Variants in NOTCH1 observed in about 807,000 individuals in gnomAD.
NOTCH1 encodes notch receptor 1, also known as neurogenic locus notch homolog protein 1.
Under a neutral mutation model 254.8 loss-of-function variants are expected in NOTCH1, and 37 were observed. The observed-to-expected ratio is 0.15, with a 90% CI of 0.11 to 0.19. The LOEUF (loss-of-function observed/expected upper bound fraction) is 0.19, where lower values mean the gene tolerates loss of function less well. NOTCH1 is among the 10% of genes least tolerant of loss of function. NOTCH1 has a pLI of 1.00. For missense variants in NOTCH1, 2,972 were observed against 3,708.6 expected, an observed-to-expected ratio of 0.80 and a Z score of 5.16; for synonymous variants, 1,731 against 1,618.1, an observed-to-expected ratio of 1.07 and a Z score of -1.68.
intron 33 of NOTCH1, among the ~76,000 whole-genome samples, chr9:136,498,540 G>A (rs1048363016): frequency 6.6e-6 from 1 of 152,194 alleles, no homozygotes; most frequent in African/African-American, 2.4e-5. Flanking sequence ...GACAGCTGGG[G>A]ACAGAAGGTG....
rs374082009 is a variant in NOTCH1, at chr9:136,515,458, G to A, written c.1903+25C>T. Reference sequence around the variant, plus strand: ...GGCCCGCCCTGCCCACTGGCCCCCCGCCGGCCACCCGCCTGGCCGGCCACC... The same window carrying A: ...GGCCCGCCCTGCCCACTGGCCCCCCACCGGCCACCCGCCTGGCCGGCCACC... On this transcript the variant is annotated intron_variant, in intron 11 of 33. Coordinates refer to ENST00000651671, the MANE Select transcript of NOTCH1 (RefSeq NM_017617.5). The A allele has an allele frequency of 2.0e-4, 323 of 1,611,244 alleles. 1 individual carries two copies. In the African/African-American group the frequency reaches 2.8e-3, roughly 14 times the overall value.
intron 4 of NOTCH1, among the ~76,000 whole-genome samples, chr9:136,520,562 C>T (rs374484355): frequency 6.6e-6 from 1 of 151,984 alleles, no homozygotes; most frequent in Admixed American, 6.6e-5. Flanking sequence ...GGCGAAACCC[C>T]GTCTCTACAA....
chr9:136,497,197 T>C lies in NOTCH1; in HGVS notation c.6542A>G (p.Lys2181Arg), dbSNP rs746372139. 8.1e-6 allele frequency: 13 copies of C among 1,612,708 alleles called. No homozygotes were observed. The highest frequency in any genetic ancestry group is 9.3e-6 in the Non-Finnish European group (11 of 1,179,980). Residue 2181 changes from lysine to arginine, a missense_variant, in exon 34 of 34, where the codon AAG becomes AGG. Physicochemically the swap from Lys to Arg is conservative, Grantham distance 26. This residue lies in a region of NOTCH1 where 529 missense variants were observed against 529.2 expected (regional missense o/e 1.00). Coordinates refer to ENST00000651671, the MANE Select transcript of NOTCH1 (RefSeq NM_017617.5). ...GCAGCCCTTGCCGTCCTGGGACTTC[T>C]TCCTCCGTGCCTTGAGGTCCTTGGC... The part of the protein sequence containing the change: ...KEAKDLKARR[K>R]KSQDGKGCLL...
At position 136,540,381 on chromosome 9, in the gene NOTCH1, A is replaced by G. The variant is rs1031192151; in HGVS notation, c.140+3643T>C. On this transcript the variant is annotated intron_variant, in intron 2 of 33. Transcript: ENST00000651671. The surrounding 1 kb of genome is among the most constrained non-coding windows in gnomAD (Gnocchi z 4.4). ...GAGCTGGAGCCATCCTGGGAGATGG[A>G]CTTCCCCAGAGCCGGCAAGTCCCTC... 2.0e-5 allele frequency among the ~76,000 whole-genome samples: 3 copies of G among 151,924 alleles called. No individual in the cohort carries two copies. The highest frequency in any genetic ancestry group is 4.4e-5 in the Non-Finnish European group (3 of 67,946).
At position 136,540,099 on chromosome 9, in the gene NOTCH1, A is replaced by T. The variant is rs1430230698; in HGVS notation, c.140+3925T>A. On this transcript the variant is annotated intron_variant, in intron 2 of 33. Transcript: ENST00000651671. This position sits in a 1 kb window ranked among gnomAD's most constrained non-coding sequence, Gnocchi z 4.4. ...TTCTCTGGGTCTCTTCTTCTCACTT[A>T]TCGGTGCCTGATCCAGACAGCTTTA... Among the ~76,000 whole-genome samples the T allele has an allele frequency of 2.0e-5, 3 of 152,170 alleles. No individual in the cohort carries two copies. The highest frequency in any genetic ancestry group is 4.4e-5 in the Non-Finnish European group (3 of 68,016).
In NOTCH1 at chr9:136,506,737, C is replaced by T. The variant is rs1247035429; in HGVS notation, c.3880G>A (p.Glu1294Lys). 11 of 1,601,216 alleles carry T rather than the reference C, an allele frequency of 6.9e-6. No individual in the cohort carries two copies. Among genetic ancestry groups the T allele is most frequent in the Non-Finnish European group, 9.4e-6 (11 of 1,174,686 alleles). ...CCACCGGTGTGACCAGCACGGCACT[C>T]GCAGTGGAAGTCATTGACGCGCTGC... ...CVQRVNDFHC[E>K]CRAGHTGRRC... Residue 1294 changes from glutamate (E) to lysine (K), a missense_variant, in exon 23 of 34, where the codon GAG becomes AAG. Physicochemically the swap from Glu to Lys is moderately conservative, Grantham distance 56. Coordinates refer to ENST00000651671, the MANE Select transcript of NOTCH1 (RefSeq NM_017617.5). This position sits in a 1 kb window ranked among gnomAD's most constrained non-coding sequence, Gnocchi z 4.5.
rs2133364361 is a variant in NOTCH1 at position 136,515,705 on chromosome 9, T to C, written c.1681A>G (p.Thr561Ala). The change falls in exon 11 of 34, where the codon ACG becomes GCG. Residue 561 changes from threonine to alanine, a missense_variant. Transcript: ENST00000651671. ...TCATCGATGTCCACCTCGCAGTGCGTCCCCGTGTACCCTGGACCGTGGGAG... is the reference window on the plus strand; with the variant it reads ...TCATCGATGTCCACCTCGCAGTGCGCCCCCGTGTACCCTGGACCGTGGGAG... ...TCVCTEGYTG[T>A]HCEVDIDECD... 1 of 1,541,056 alleles carries C rather than the reference T, an allele frequency of 6.5e-7. No homozygotes were observed. Among genetic ancestry groups the C allele is most frequent in the Non-Finnish European group, 8.7e-7 (1 of 1,149,142 alleles).
intron 22 of NOTCH1, 32 bp from the exon 23 acceptor site, chr9:136,507,005 C>G (rs2133344486): frequency 6.3e-7 from 1 of 1,578,498 alleles, no homozygotes. Flanking sequence ...GTGGCCCAAG[C>G]CCGCCACACC....
At position 136,521,632 on chromosome 9, in the gene NOTCH1, A is replaced by G. The variant is rs565972259; in HGVS notation, c.742+1218T>C. Among the ~76,000 whole-genome samples, 187 of 152,206 alleles carry G rather than the reference A, an allele frequency of 1.2e-3. 1 individual carries two copies. Among genetic ancestry groups the G allele is most frequent in the African/African-American group, 3.7e-3 (154 of 41,516 alleles). On this transcript the variant is annotated intron_variant, in intron 4 of 33. Transcript: ENST00000651671. ...CTGCTAGGAAGGCATCTGAGCCCCC[A>G]CCAGCAGAAGGGCTCTGCGCCCCAC... is the stretch of plus-strand genomic sequence containing the variant.
intron 2 of NOTCH1, among the ~76,000 whole-genome samples, chr9:136,536,111 G>A (rs1458993635): frequency 2.0e-5 from 3 of 152,068 alleles, no homozygotes; most frequent in Non-Finnish European, 2.9e-5. Flanking sequence ...TACACTGAAA[G>A]CAACCCCAAA....
chr9:136,518,633 G>A lies in NOTCH1; in HGVS notation c.1057C>T (p.Arg353Cys), dbSNP rs1300110216. 6.2e-7 allele frequency: 1 copy of A among 1,612,702 alleles called. No homozygotes were observed. Among genetic ancestry groups the A allele is most frequent in the African/African-American group, 1.3e-5 (1 of 74,932 alleles). ...ACFHGATCHD[R>C]VASFYCECPH... ...CACTCGCAGTAGAAGGAGGCCACAC[G>A]GTCATGGCAGGTGGCGCCGTGGAAG... Residue 353 changes from arginine to cysteine, a missense_variant, in exon 6 of 34, where the codon CGT (arginine) becomes TGT (cysteine). Transcript: ENST00000651671.
At chr9:136,515,741 AG>A in intron 10 of NOTCH1, 25 bp from the exon 11 acceptor site, 1 of 1,526,258 alleles carries the variant, frequency 6.6e-7, no homozygotes, top group South Asian at 1.2e-5. Context: ...GGGCGGGCAC[AG>A]GAAGACTTAG....
chr9:136,515,240 C>G, intron 12 of NOTCH1, 50 bp downstream of exon 12: 1 of 1,570,084 alleles, frequency 6.4e-7, no homozygotes, highest in Non-Finnish European at 8.7e-7. Flanking sequence ...AGTGGCTGAC[C>G]TTGACCTCTG....
intron 2 of NOTCH1, chr9:136,543,189 G>C (rs148490255): frequency 8.2e-5 from 14 of 170,002 alleles, no homozygotes; most frequent in African/African-American, 3.4e-4. Context: ...AGGCGGGTCC[G>C]ATTTTGAAGA....
chr9:136,519,042 C>T (rs1458199197), intron 5 of NOTCH1, among the ~76,000 whole-genome samples: 1 of 152,234 alleles, frequency 6.6e-6, no homozygotes, highest in Non-Finnish European at 1.5e-5. Flanking sequence ...TCGGGGTGCA[C>T]CTTTGCCCGT....
rs1589059417 is a variant in NOTCH1, at chr9:136,506,409, G to A, written c.4014+118C>T. The A allele has an allele frequency of 1.1e-5, 8 of 737,074 alleles. No individual in the cohort carries two copies. The East Asian group carries it at 1.4e-4, about 13-fold the overall frequency. The allele number at this position is 737,074 out of a possible 1,614,324, so 45.7% of individuals were successfully genotyped here. A position where few individuals can be genotyped will look rare whatever the true frequency, so the allele number is the denominator to read the frequency against. ...AAAAAAAAAAAAAAGACATCAGGGT[G>A]AGGAGGAGGATGAAGGCCGGGAGGA... On this transcript the variant is annotated intron_variant, in intron 24 of 33. Coordinates refer to ENST00000651671, the MANE Select transcript of NOTCH1 (RefSeq NM_017617.5). This position sits in a 1 kb window ranked among gnomAD's most constrained non-coding sequence, Gnocchi z 4.5.
At chr9:136,505,957 G>T (rs1160882672) in intron 24 of NOTCH1, 76 bp from the exon 25 acceptor site, 5 of 1,307,732 alleles carry the variant, frequency 3.8e-6, no homozygotes, top group African/African-American at 3.0e-5. Context: ...CCCAGCCCTC[G>T]GCCAGCAGTG....
Position 136,497,311 on chromosome 9 carries a change from T to A in NOTCH1, c.6428A>T (p.Asn2143Ile), listed in dbSNP as rs1085307778. Residue 2143 changes from asparagine (N) to isoleucine (I), a missense_variant, in exon 34 of 34, where the codon AAC (asparagine) becomes ATC (isoleucine). Asn to Ile is a moderately radical substitution (Grantham distance 149, BLOSUM62 -3). Around this residue, in one of 8 missense-constraint regions of NOTCH1, gnomAD observed 529 missense variants for 529.2 expected, o/e 1.00. Coordinates refer to ENST00000651671, the MANE Select transcript of NOTCH1 (RefSeq NM_017617.5). Reference sequence around the variant, plus strand: ...GGGCTTGAGGCTGCCCAGGTAGCCGTTGGGCGAGCAGAGCGGGGGCGACAG... The same window carrying A: ...GGGCTTGAGGCTGCCCAGGTAGCCGATGGGCGAGCAGAGCGGGGGCGACAG... ...PTLSPPLCSP[N>I]GYLGSLKPGV... 6.2e-7 allele frequency: 1 copy of A among 1,607,538 alleles called. No individual in the cohort carries two copies. Among genetic ancestry groups the A allele is most frequent in the Non-Finnish European group, 8.5e-7 (1 of 1,179,752 alleles).
chr9:136,515,275 T>C lies in NOTCH1; in HGVS notation c.2014+15A>G, dbSNP rs2133362239. On this transcript the variant is annotated intron_variant, in intron 12 of 33. Coordinates refer to ENST00000651671, the MANE Select transcript of NOTCH1 (RefSeq NM_017617.5). Reference sequence around the variant, plus strand: ...GAGCACAGTGCAGTCAGCCCCCACGTGCAGGGCCGCTCACCTGTGTAGCCC... The same window carrying C: ...GAGCACAGTGCAGTCAGCCCCCACGCGCAGGGCCGCTCACCTGTGTAGCCC... The C allele has an allele frequency of 6.2e-7, 1 of 1,610,752 alleles. No individual in the cohort carries two copies. The highest frequency in any genetic ancestry group is 8.5e-7 in the Non-Finnish European group (1 of 1,178,228).
Sources: allele counts gnomAD v4.1 joint callset (sites outside exome capture counted in the v4.1 genomes callset), GRCh38; gene constraint gnomAD v4.1.1; regional missense constraint gnomAD v4.1.1; non-coding constraint Gnocchi (gnomAD v3.1); transcripts MANE v1.5; gene names NCBI Gene and HGNC (gene_info 2026-07-23, HGNC 2026-07-21).